The following PIGU variants were observed in gnomAD, a reference collection of about 807,000 sequenced individuals.
The protein encoded by PIGU is GPI-anchor transamidase component PIGU.
A neutral mutation model predicts 49.9 loss-of-function variants in PIGU; 24 were observed. The observed-to-expected ratio is 0.48, with a 90% CI of 0.35 to 0.68. PIGU has a LOEUF of 0.68. Ranked by LOEUF, PIGU falls within the 30% of genes least tolerant of loss-of-function variation. The pLI is 0.01. For synonymous variants in PIGU, 220 were observed against 205.7 expected (o/e 1.07, Z -0.59); for missense variants, 490 against 532.6 (o/e 0.92, Z 0.79).
intron 6 of PIGU, among the ~76,000 whole-genome samples, chr20:34,616,783 T>A (rs992062217): frequency 3.3e-5 from 5 of 152,164 alleles, no homozygotes; most frequent in Admixed American, 3.3e-4. Context: ...ATATTATCAT[T>A]TATTTTATAA....
At chr20:34,599,449 C>CA (rs1161084861) in intron 7 of PIGU, among the ~76,000 whole-genome samples, 2 of 151,564 alleles carry the variant, frequency 1.3e-5, no homozygotes, top group Non-Finnish European at 2.9e-5. Context: ...ACCCCCGTCT[C>CA]AAAAAAACAA....
chr20:34,657,355 C>T (rs951935325), intron 1 of PIGU, 111 bp from the exon 2 acceptor site: 33 of 719,648 alleles, frequency 4.6e-5, no homozygotes, highest in Non-Finnish European at 7.0e-5. Context: ...ACCCCCTTTA[C>T]CTCATCCCCA....
chr20:34,656,957 A>G (rs956314725), intron 2 of PIGU, among the ~76,000 whole-genome samples: 11 of 152,196 alleles, frequency 7.2e-5, no homozygotes, highest in African/African-American at 2.7e-4. Flanking sequence ...TAACTTCTAC[A>G]GAAGCCTCAT....
At chr20:34,568,536 G>C (rs780759275) in intron 11 of PIGU, among the ~76,000 whole-genome samples, 2 of 152,102 alleles carry the variant, frequency 1.3e-5, no homozygotes, top group Admixed American at 1.3e-4. Flanking sequence ...AATGGGTCTC[G>C]AGCCAACCCC....
rs1273889863 is a variant in PIGU at position 34,581,605 on chromosome 20, C to G, written c.994G>C (p.Val332Leu). The G allele has an allele frequency of 1.2e-6, 2 of 1,613,936 alleles. No homozygotes were observed. The highest frequency in any genetic ancestry group is 1.7e-6 in the Non-Finnish European group (2 of 1,180,012). The change falls in exon 10 of 12, where the codon GTG (valine) becomes CTG (leucine). Residue 332 changes from valine (V) to leucine (L), a missense_variant. Transcript: ENST00000217446. ...VIAIFKSYPTVGDVALYMAFF... is the reference protein window; with the variant it reads ...VIAIFKSYPTLGDVALYMAFF... ...GCCATGTAGAGCGCCACGTCCCCCA[C>G]TGTCGGGTAGGACTTAAAGATGGCG...
intron 4 of PIGU, among the ~76,000 whole-genome samples, chr20:34,638,953 T>C (rs1316899536): frequency 6.6e-6 from 1 of 152,220 alleles, no homozygotes; most frequent in Non-Finnish European, 1.5e-5. Flanking sequence ...ATAAAATCAA[T>C]GCTGCTATCT....
intron 2 of PIGU, among the ~76,000 whole-genome samples, chr20:34,652,959 A>G (rs1986587492): frequency 6.7e-6 from 1 of 149,822 alleles, no homozygotes; most frequent in Non-Finnish European, 1.5e-5. Context: ...ATAAATGACA[A>G]CTAGGTCAAG....
At chr20:34,585,717 A>T in intron 8 of PIGU, 137 bp from the exon 9 acceptor site, 3 of 900,406 alleles carry the variant, frequency 3.3e-6, no homozygotes, top group Non-Finnish European at 1.7e-6. Flanking sequence ...TCAGGATGGG[A>T]AGGGCTCTCT....
intron 3 of PIGU, 150 bp downstream of exon 3, chr20:34,645,125 G>A: frequency 1.3e-6 from 1 of 777,786 alleles, no homozygotes; most frequent in Non-Finnish European, 1.8e-6. Context: ...AGGCTGAAAT[G>A]GGAGGACCAC....
At chr20:34,575,537 C>T (rs1423502418) in intron 10 of PIGU, among the ~76,000 whole-genome samples, 3 of 152,096 alleles carry the variant, frequency 2.0e-5, no homozygotes, top group Non-Finnish European at 2.9e-5. Flanking sequence ...CTCGGGGCAC[C>T]AAACAGGGCA....
At chr20:34,638,100 C>T in intron 4 of PIGU, 115 bp from the exon 5 acceptor site, 1 of 1,412,000 alleles carries the variant, frequency 7.1e-7, no homozygotes, top group African/African-American at 1.5e-5. Context: ...CCTGGTCTGG[C>T]CCTACCTCTC....
intron 11 of PIGU, among the ~76,000 whole-genome samples, chr20:34,570,093 G>C (rs1028757454): frequency 1.1e-4 from 17 of 152,188 alleles, no homozygotes; most frequent in African/African-American, 4.1e-4. Flanking sequence ...GTAAAGGGCT[G>C]TCAGTAGAGT....
In PIGU at chr20:34,622,669, C is replaced by T. The variant is rs184763301; in HGVS notation, c.530-6530G>A. 2.0e-5 allele frequency among the ~76,000 whole-genome samples: 3 copies of T among 152,214 alleles called. No homozygotes were observed. The East Asian group carries it at 5.8e-4, about 29-fold the overall frequency. On this transcript the variant is annotated intron_variant, in intron 6 of 11. Coordinates refer to ENST00000217446, the MANE Select transcript of PIGU (RefSeq NM_080476.5). ...CCTGAAATCATGTCTGAAATGGCAG[C>T]CTCATGTGGGCAAGAGCTAGGGCAT... is the stretch of plus-strand genomic sequence containing the variant.
chr20:34,664,979 CA>C (rs1987040106), intron 1 of PIGU, among the ~76,000 whole-genome samples: 1 of 150,208 alleles, frequency 6.7e-6, no homozygotes. Flanking sequence ...GACCCCGTCT[CA>C]AAAAAAGAAA....
At chr20:34,668,133 T>C (rs550616043) in intron 1 of PIGU, among the ~76,000 whole-genome samples, 8 of 152,164 alleles carry the variant, frequency 5.3e-5, no homozygotes, top group African/African-American at 1.9e-4. Flanking sequence ...GCTAAGGAAC[T>C]ATCACAGATA....
At chr20:34,657,671 A>G (rs1986746850) in intron 1 of PIGU, among the ~76,000 whole-genome samples, 1 of 152,164 alleles carries the variant, frequency 6.6e-6, no homozygotes, top group African/African-American at 2.4e-5. Context: ...ACTTTTCGAC[A>G]GGGCAATATG....
At chr20:34,663,469 C>G (rs958440817) in intron 1 of PIGU, among the ~76,000 whole-genome samples, 3 of 151,646 alleles carry the variant, frequency 2.0e-5, no homozygotes, top group Non-Finnish European at 1.5e-5. Flanking sequence ...AGAGGGAAAC[C>G]CTGTATCAAA....
chr20:34,623,720 C>T (rs1162044085), intron 6 of PIGU, among the ~76,000 whole-genome samples: 1 of 152,184 alleles, frequency 6.6e-6, no homozygotes, highest in Admixed American at 6.5e-5. Flanking sequence ...GCACGCTAAG[C>T]ATTTTATATT....
At chr20:34,568,695 G>C (rs1982879037) in intron 11 of PIGU, among the ~76,000 whole-genome samples, 1 of 152,194 alleles carries the variant, frequency 6.6e-6, no homozygotes, top group African/African-American at 2.4e-5. Flanking sequence ...CTGTGTTGCA[G>C]TGAACAGTGA....
Sources: gnomAD v4.1 joint callset for allele counts (sites outside exome capture counted in the v4.1 genomes callset) on GRCh38, gnomAD v4.1.1 for gene constraint, MANE v1.5 for transcripts, NCBI Gene and HGNC (gene_info 2026-07-23, HGNC 2026-07-21) for gene names.